CD109: variants seen among roughly 807,000 people sequenced by gnomAD.
CD109 encodes the protein CD109 molecule, also known as CD109 antigen.
A neutral mutation model predicts 165.8 loss-of-function variants in CD109; 149 were observed. The observed-to-expected ratio is 0.90, with a 90% CI of 0.79 to 1.03. The LOEUF is 1.03. Among genes scored for constraint, CD109 ranks in the 50% least tolerant of loss-of-function variants. CD109 has a pLI of 0.00. For missense variants in CD109, 1,712 were observed against 1,677.8 expected (o/e 1.02, Z -0.36); for synonymous variants, 585 against 592.1 (o/e 0.99, Z 0.18).
intron 22 of CD109, among the ~76,000 whole-genome samples, chr6:73,792,363 G>A (rs964620023): frequency 4.6e-5 from 7 of 151,874 alleles, no homozygotes; most frequent in Admixed American, 3.3e-4. Context: ...ATTATTTTTT[G>A]CCTAATTTAT....
At chr6:73,779,490 C>T (rs554104821) in intron 15 of CD109, among the ~76,000 whole-genome samples, 273 of 152,126 alleles carry the variant, frequency 1.8e-3, no homozygotes, top group Non-Finnish European at 1.7e-3. Context: ...CCTCATGATC[C>T]GCCCGCCTCG....
rs1372173992 is a variant in CD109 at position 73,771,420 on chromosome 6, C to G, written c.1675-9C>G. 6.3e-6 allele frequency: 10 copies of G among 1,596,070 alleles called. No homozygotes were observed. The highest frequency in any genetic ancestry group is 8.5e-6 in the Non-Finnish European group (10 of 1,173,786). ...GAAATAAGTTAATCCTCCTTTCTCT[C>G]TTTTTTAGATAAAGCTATATTGGAG... On this transcript the variant is annotated splice_polypyrimidine_tract_variant and intron_variant, in intron 14 of 32. Transcript: ENST00000287097.
In CD109 at chr6:73,818,376, T is replaced by A. The variant is rs937679469; in HGVS notation, c.3912-12T>A. On this transcript the variant is annotated splice_polypyrimidine_tract_variant and intron_variant, in intron 30 of 32. Transcript: ENST00000287097. ...CTGAGGAGTTTTCATTCATCCTCCC[T>A]CTTTGATTTAGCTTTTCGGGCCCGG... 1 of 1,613,622 alleles carries A rather than the reference T, an allele frequency of 6.2e-7. No individual in the cohort carries two copies. Among genetic ancestry groups the A allele is most frequent in the Non-Finnish European group, 8.5e-7 (1 of 1,179,854 alleles).
rs1218907690 is a variant in CD109, at chr6:73,811,158, G to C, written c.3702+11G>C. 2 of 1,607,590 alleles carry C rather than the reference G, an allele frequency of 1.2e-6. No homozygotes were observed. The highest frequency in any genetic ancestry group is 8.5e-7 in the Non-Finnish European group (1 of 1,177,844). On this transcript the variant is annotated intron_variant, in intron 28 of 32. Transcript: ENST00000287097. ...CTTCAGACAGCAGAGGTGTGGGCAA[G>C]GGGCAGTTATTTAAAAATCAGTGTA...
At chr6:73,791,379 TA>T (rs1774961823) in intron 22 of CD109, among the ~76,000 whole-genome samples, 2 of 151,344 alleles carry the variant, frequency 1.3e-5, no homozygotes, top group Non-Finnish European at 2.9e-5. Flanking sequence ...TAAAAGGAAT[TA>T]AATAAGCTCT....
At chr6:73,808,278 A>T (rs780942943) in intron 26 of CD109, 30 bp downstream of exon 26, 4 of 1,580,846 alleles carry the variant, frequency 2.5e-6, no homozygotes, top group Non-Finnish European at 3.4e-6. Context: ...TGAGGTTGTT[A>T]TGCTTTATGA....
intron 3 of CD109, among the ~76,000 whole-genome samples, chr6:73,724,222 G>T (rs1269219098): frequency 6.6e-6 from 1 of 152,088 alleles, no homozygotes; most frequent in Non-Finnish European, 1.5e-5. Flanking sequence ...CCTCACCATA[G>T]CCCTGGCCTT....
chr6:73,798,709 A>T (rs926063055), intron 23 of CD109, among the ~76,000 whole-genome samples: 5 of 152,088 alleles, frequency 3.3e-5, no homozygotes, highest in South Asian at 2.1e-4. Context: ...TAGTGGAAGA[A>T]TGGTGCTAGT....
the CD109 span, among the ~76,000 whole-genome samples, chr6:73,687,819 G>A: frequency 3.3e-5 from 5 of 152,158 alleles, no homozygotes; most frequent in Admixed American, 6.6e-5. Context: ...TACCATGACC[G>A]CAAGAAGGAC....
At chr6:73,803,717 A>G (rs1775467933) in intron 24 of CD109, among the ~76,000 whole-genome samples, 1 of 122,356 alleles carries the variant, frequency 8.2e-6, no homozygotes, top group African/African-American at 3.2e-5. Flanking sequence ...GTGTGTAAAA[A>G]ACAAACACTG....
the CD109 span, among the ~76,000 whole-genome samples, chr6:73,683,487 C>A: frequency 1.3e-5 from 2 of 152,200 alleles, no homozygotes; most frequent in African/African-American, 4.8e-5. Context: ...CAACAAGTCT[C>A]TAGGAAGTTC....
intron 32 of CD109, 113 bp from the exon 33 acceptor site, chr6:73,823,345 T>C: frequency 2.6e-6 from 2 of 772,136 alleles, no homozygotes; most frequent in Non-Finnish European, 4.1e-6. Context: ...AAAATAAAAT[T>C]AGGTTAAGAA....
rs763522841 is a variant in CD109 at position 73,792,742 on chromosome 6, A to C, written c.2818A>C (p.Thr940Pro). 6.2e-7 allele frequency: 1 copy of C among 1,612,668 alleles called. No individual in the cohort carries two copies. The highest frequency in any genetic ancestry group is 1.1e-5 in the South Asian group (1 of 91,010). Residue 940 changes from threonine to proline, a missense_variant, in exon 23 of 33, where the codon ACT becomes CCT. Coordinates refer to ENST00000287097, the MANE Select transcript of CD109 (RefSeq NM_133493.5). ...AAATATTTACATTTTGGATTATCTG[A>C]CTAAAAAGAAACAACTGACAGATAA... Reference protein sequence around the residue: ...APNIYILDYLTKKKQLTDNLK... With the variant: ...APNIYILDYLPKKKQLTDNLK...
intron 30 of CD109, 120 bp downstream of exon 30, chr6:73,815,243 C>T: frequency 4.4e-6 from 3 of 681,100 alleles, no homozygotes; most frequent in Non-Finnish European, 6.7e-6. Flanking sequence ...TTCAGTTATG[C>T]ACTACACTTC....
At chr6:73,808,007 T>C (rs1425437549) in intron 25 of CD109, 76 bp from the exon 26 acceptor site, 6 of 1,347,528 alleles carry the variant, frequency 4.5e-6, no homozygotes, top group Non-Finnish European at 6.1e-6. Flanking sequence ...AAATGCATGT[T>C]TCAAAGTACT....
intron 16 of CD109, 84 bp from the exon 17 acceptor site, chr6:73,781,175 G>C (rs561741863): frequency 1.8e-6 from 2 of 1,090,986 alleles, no homozygotes; most frequent in African/African-American, 3.1e-5. Flanking sequence ...GCACAAGTGA[G>C]TCAGGAGTTT....
At chr6:73,767,756 C>T (rs772857600) in intron 13 of CD109, among the ~76,000 whole-genome samples, 1 of 152,054 alleles carries the variant, frequency 6.6e-6, no homozygotes, top group Non-Finnish European at 1.5e-5. Context: ...CTATCCATGA[C>T]CATGTAATTT....
intron 31 of CD109, among the ~76,000 whole-genome samples, chr6:73,819,918 G>T (rs1416157056): frequency 6.6e-6 from 1 of 151,932 alleles, no homozygotes; most frequent in African/African-American, 2.4e-5. Context: ...GCAAATAAGG[G>T]AATGTTTGAA....
At chr6:73,759,929 T>A (rs1562050755) in intron 7 of CD109, among the ~76,000 whole-genome samples, 1 of 152,072 alleles carries the variant, frequency 6.6e-6, no homozygotes, top group Non-Finnish European at 1.5e-5. Context: ...TGGAATATGC[T>A]ATATTTTAAG....
Sources: gnomAD v4.1 joint callset for allele counts (sites outside exome capture counted in the v4.1 genomes callset) on GRCh38, gnomAD v4.1.1 for gene constraint, MANE v1.5 for transcripts, NCBI Gene and HGNC (gene_info 2026-07-23, HGNC 2026-07-21) for gene names.